SUMF1: variants seen among roughly 807,000 people sequenced by gnomAD.
SUMF1 encodes the protein sulfatase modifying factor 1, also known as formylglycine-generating enzyme.
Under a neutral mutation model 47.6 loss-of-function variants are expected in SUMF1, and 48 were observed. The observed-to-expected ratio is 1.01, with a 90% confidence interval of 0.80 to 1.28. The LOEUF is 1.28. SUMF1 is among the 50% of genes most tolerant of loss of function. The pLI is 0.00. For missense variants in SUMF1, 571 were observed against 485.4 expected (o/e 1.18, Z -1.66); for synonymous variants, 230 against 192.1 (o/e 1.20, Z -1.63).
At chr3:4,452,748 A>G (rs570840295) in intron 2 of SUMF1, 128 bp downstream of exon 2, 28 of 1,155,270 alleles carry the variant, frequency 2.4e-5, no homozygotes, top group Admixed American at 8.8e-5. Context: ...AATATATACA[A>G]TAAAATGCTT....
Position 4,315,023 on chromosome 3 carries a change from G to A in SUMF1, c.1014+61307C>T, listed in dbSNP as rs190453262. ...AATTATATCTCAATAAAGCTAGGTC[G>A]TTTTTAAGTATCTTAGGGTTTATAA... On this transcript the variant is annotated intron_variant and NMD_transcript_variant, in intron 8 of 12. Coordinates refer to the SUMF1 transcript ENST00000448413. Among the ~76,000 whole-genome samples the A allele has an allele frequency of 5.3e-4, 80 of 152,174 alleles. 1 individual carries two copies. The highest frequency in any genetic ancestry group is 1.8e-3 in the African/African-American group (76 of 41,528).
At position 4,132,200 on chromosome 3, in the gene SUMF1, T is replaced by C. The variant is rs56103243; in HGVS notation, c.1015-63455A>G. Among the ~76,000 whole-genome samples, 986 of 152,260 alleles carry C rather than the reference T, an allele frequency of 6.5e-3. 21 individuals carry two copies. The highest frequency in any genetic ancestry group is 0.023 in the African/African-American group (947 of 41,544). On this transcript the variant is annotated intron_variant and NMD_transcript_variant, in intron 8 of 12. Transcript: ENST00000448413. The stretch of plus-strand genomic sequence containing the variant: ...ATGCTTCTGTCAAAACTACCATCCA[T>C]GGACTCACAGAACGCCTCACCTACC...
intron 8 of SUMF1, among the ~76,000 whole-genome samples, chr3:4,088,594 T>G (rs1390943565): frequency 6.6e-6 from 1 of 152,158 alleles, no homozygotes; most frequent in Non-Finnish European, 1.5e-5. Flanking sequence ...CATTTATTCA[T>G]TTCATTTACT....
chr3:4,428,238 G>A (rs1052609451), intron 3 of SUMF1, among the ~76,000 whole-genome samples: 1 of 151,962 alleles, frequency 6.6e-6, no homozygotes, highest in East Asian at 1.9e-4. Flanking sequence ...TCAATATATA[G>A]AGACACCCAC....
At chr3:4,065,175 A>G (rs1449777223) in intron 9 of SUMF1, among the ~76,000 whole-genome samples, 2 of 152,110 alleles carry the variant, frequency 1.3e-5, no homozygotes, top group Non-Finnish European at 2.9e-5. Context: ...CACTGTGCAG[A>G]CTTAATAGTT....
At position 4,348,125 on chromosome 3, in the gene SUMF1, G is replaced by A. The variant is rs372894185; in HGVS notation, c.1014+28205C>T. On this transcript the variant is annotated intron_variant and NMD_transcript_variant, in intron 8 of 12. Coordinates refer to the SUMF1 transcript ENST00000448413. Reference sequence around the variant, plus strand: ...GCCCAAAGTAATTTATAGATTCAATGCTATTCCCATCAAACTACTGTTGAC... The same window carrying A: ...GCCCAAAGTAATTTATAGATTCAATACTATTCCCATCAAACTACTGTTGAC... Among the ~76,000 whole-genome samples the A allele has an allele frequency of 7.9e-5, 12 of 152,272 alleles. 1 individual carries two copies. The South Asian group carries it at 2.3e-3, about 29-fold the overall frequency.
intron 9 of SUMF1, among the ~76,000 whole-genome samples, chr3:4,041,621 G>A (rs916252287): frequency 1.1e-4 from 17 of 152,090 alleles, no homozygotes; most frequent in African/African-American, 3.9e-4. Context: ...ACAAGTTGGG[G>A]GGAAGAAAAC....
At chr3:4,048,820 T>G (rs1695053050) in intron 9 of SUMF1, among the ~76,000 whole-genome samples, 1 of 152,144 alleles carries the variant, frequency 6.6e-6, no homozygotes, top group Admixed American at 6.6e-5. Flanking sequence ...AGATTCTAAT[T>G]TCTCTGAGGC....
intron 8 of SUMF1, among the ~76,000 whole-genome samples, chr3:4,071,747 T>G (rs1052553152): frequency 1.3e-5 from 2 of 152,158 alleles, no homozygotes; most frequent in Non-Finnish European, 2.9e-5. Context: ...CTCTCTAGAT[T>G]CCATCTCTGT....
At chr3:4,408,548 C>T (rs1319502967) in intron 7 of SUMF1, among the ~76,000 whole-genome samples, 1 of 152,148 alleles carries the variant, frequency 6.6e-6, no homozygotes, top group Non-Finnish European at 1.5e-5. Flanking sequence ...ACTTAATCAG[C>T]CAGGTGCAGT....
chr3:4,118,991 G>T (rs574300978), intron 8 of SUMF1, among the ~76,000 whole-genome samples: 14 of 152,022 alleles, frequency 9.2e-5, no homozygotes, highest in South Asian at 8.3e-4. Flanking sequence ...TTTATTTGAT[G>T]TCCTACAAAC....
intron 8 of SUMF1, among the ~76,000 whole-genome samples, chr3:4,171,289 A>T (rs560909628): frequency 6.6e-6 from 1 of 152,270 alleles, no homozygotes; most frequent in South Asian, 2.1e-4. Flanking sequence ...TCCCCTCATC[A>T]TGCATTTGAC....
At chr3:4,428,696 T>G (rs1263412386) in intron 3 of SUMF1, among the ~76,000 whole-genome samples, 1 of 126,214 alleles carries the variant, frequency 7.9e-6, no homozygotes, top group Non-Finnish European at 1.7e-5. Context: ...GCGAACATAT[T>G]TTTTATTCAT....
intron 7 of SUMF1, among the ~76,000 whole-genome samples, chr3:4,393,263 C>T (rs563586895): frequency 3.3e-5 from 5 of 152,254 alleles, no homozygotes; most frequent in African/African-American, 1.2e-4. Flanking sequence ...CCCCATCCTC[C>T]ACCCTGAATC....
intron 8 of SUMF1, among the ~76,000 whole-genome samples, chr3:4,144,770 ATAAG>A (rs1694155039): frequency 2.0e-5 from 3 of 152,296 alleles, no homozygotes; most frequent in South Asian, 4.1e-4. Context: ...AATTTCAGTT[ATAAG>A]TAAGTTTTAT....
rs1330646683 is a variant in SUMF1 at position 4,113,154 on chromosome 3, C to G, written c.1015-44409G>C. On this transcript the variant is annotated intron_variant and NMD_transcript_variant, in intron 8 of 12. Transcript: ENST00000448413. ...AATGTGTAATAATCAAGCCAAGGTA[C>G]CTGGGGTATCCATCACCTAGAATAT... is the stretch of plus-strand genomic sequence containing the variant. 2.0e-5 allele frequency among the ~76,000 whole-genome samples: 3 copies of G among 152,008 alleles called. 1 individual carries two copies. Among genetic ancestry groups the G allele is most frequent in the Non-Finnish European group, 4.4e-5 (3 of 68,016 alleles).
At chr3:4,104,797 T>C (rs1196438554) in intron 8 of SUMF1, among the ~76,000 whole-genome samples, 2 of 152,092 alleles carry the variant, frequency 1.3e-5, no homozygotes, top group Non-Finnish European at 1.5e-5. Context: ...TCAGCCTCTT[T>C]CACCCTTTGC....
At chr3:4,436,567 A>T (rs1233960591) in intron 3 of SUMF1, among the ~76,000 whole-genome samples, 1 of 151,880 alleles carries the variant, frequency 6.6e-6, no homozygotes, top group Non-Finnish European at 1.5e-5. Context: ...TATTCAAAAA[A>T]ATAATGGTTA....
chr3:4,350,077 T>C (rs997510962), intron 8 of SUMF1, among the ~76,000 whole-genome samples: 5 of 151,670 alleles, frequency 3.3e-5, no homozygotes, highest in Non-Finnish European at 7.4e-5. Flanking sequence ...CTTGGGTCAC[T>C]GCAACCTCTG....
Sources: allele counts gnomAD v4.1 joint callset (sites outside exome capture counted in the v4.1 genomes callset), GRCh38; gene constraint gnomAD v4.1.1; transcripts MANE v1.5; gene names NCBI Gene and HGNC (gene_info 2026-07-23, HGNC 2026-07-21).